The following HELZ variants were observed in gnomAD, a reference collection of about 807,000 sequenced individuals.
HELZ encodes ATP-dependent RNA helicase with zinc finger domain.
A neutral mutation model predicts 218.2 loss-of-function variants in HELZ; 23 were observed. That is an observed-to-expected ratio of 0.11 (90% CI 0.08 to 0.15). HELZ has a LOEUF of 0.15. HELZ is among the 10% of genes least tolerant of loss of function. HELZ has a pLI of 1.00. For synonymous variants in HELZ, 814 were observed against 829.4 expected, an observed-to-expected ratio of 0.98 and a Z score of 0.32; for missense variants, 1,813 against 2,353.7, an observed-to-expected ratio of 0.77 and a Z score of 4.75.
At chr17:67,101,772 A>G (rs1431058124) in intron 31 of HELZ, among the ~76,000 whole-genome samples, 1 of 152,234 alleles carries the variant, frequency 6.6e-6, no homozygotes, top group Non-Finnish European at 1.5e-5. Context: ...TTGGAAAGTG[A>G]CATCTCTTTA....
intron 24 of HELZ, among the ~76,000 whole-genome samples, chr17:67,125,343 T>TATATATATATATATATACAC (rs1555605956): frequency 1.6e-5 from 1 of 61,398 alleles, no homozygotes; most frequent in African/African-American, 6.9e-5. Context: ...TATATATATA[T>TATATATATATATATATACAC]ATACTTGTGA....
chr17:67,103,069 C>T (rs1043524642), intron 31 of HELZ, among the ~76,000 whole-genome samples: 2 of 152,076 alleles, frequency 1.3e-5, no homozygotes, highest in Non-Finnish European at 2.9e-5. Flanking sequence ...CACAGTTCCC[C>T]CTCATATCAT....
At chr17:67,219,497 T>C (rs183434944) in intron 3 of HELZ, among the ~76,000 whole-genome samples, 108 of 152,310 alleles carry the variant, frequency 7.1e-4, no homozygotes, top group Non-Finnish European at 1.0e-3. Flanking sequence ...CATGAGCTGA[T>C]TGCAAAAGGT....
chr17:67,113,009 G>A (rs2037325975), intron 28 of HELZ, among the ~76,000 whole-genome samples: 1 of 152,216 alleles, frequency 6.6e-6, no homozygotes, highest in South Asian at 2.1e-4. Context: ...AATAGTTTTA[G>A]TGAAATGTAG....
intron 28 of HELZ, 28 bp from the exon 29 acceptor site, chr17:67,109,714 A>G (rs769058485): frequency 3.3e-6 from 5 of 1,534,414 alleles, no homozygotes. Context: ...GCCTTTTTTA[A>G]CTGCAGAAGA....
chr17:67,123,619 T>C (rs1205598641), intron 25 of HELZ, among the ~76,000 whole-genome samples: 1 of 152,240 alleles, frequency 6.6e-6, no homozygotes, highest in Admixed American at 6.5e-5. Flanking sequence ...TATCTTGAAA[T>C]ATTTATGATC....
At position 67,205,006 on chromosome 17, in the gene HELZ, C is replaced by T. The variant is rs572952327; in HGVS notation, c.248-1563G>A. Among the ~76,000 whole-genome samples the T allele has an allele frequency of 3.3e-5, 5 of 152,186 alleles. No homozygotes were observed. In the South Asian group the frequency reaches 1.0e-3, roughly 32 times the overall value. ...AAAACAGAAACACGTATAAATTTGC[C>T]ATTAAAGATTAAATGAAACAATACA... On this transcript the variant is annotated intron_variant, in intron 5 of 32. Coordinates refer to ENST00000358691, the MANE Select transcript of HELZ (RefSeq NM_014877.4).
At chr17:67,120,018 T>TTTTTTTTTTTTTC (rs2037555242) in intron 27 of HELZ, 1 of 375,892 alleles carries the variant, frequency 2.7e-6, no homozygotes, top group South Asian at 2.0e-5. Context: ...TTTTTTTTTT[T>TTTTTTTTTTTTTC]TTTGAGATGG....
At position 67,100,772 on chromosome 17, in the gene HELZ, G is replaced by A. The variant is rs1375424623; in HGVS notation, c.5241+6397C>T. Reference sequence around the variant, plus strand: ...AATGAAGATGCTACAGATTTTTGAAGAGGAACATTCAAAAAATAAGAGAGA... The same window carrying A: ...AATGAAGATGCTACAGATTTTTGAAAAGGAACATTCAAAAAATAAGAGAGA... On this transcript the variant is annotated intron_variant, in intron 31 of 32. Transcript: ENST00000358691. Among the ~76,000 whole-genome samples, 3 of 152,134 alleles carry A rather than the reference G, an allele frequency of 2.0e-5. 1 individual carries two copies. The South Asian group carries it at 6.3e-4, about 32-fold the overall frequency.
At chr17:67,089,668 T>TATATATATAGAGAGAGAGAGAGAGAGAG (rs71293575) in intron 31 of HELZ, among the ~76,000 whole-genome samples, 4 of 70,632 alleles carry the variant, frequency 5.7e-5, no homozygotes, top group East Asian at 5.1e-4. Flanking sequence ...TATATATATA[T>TATATATATAGAGAGAGAGAGAGAGAGAG]AGAGAGAGAG....
At position 67,151,133 on chromosome 17, in the gene HELZ, G is replaced by A; in HGVS notation, c.2269C>T (p.Pro757Ser). The change falls in exon 18 of 33, where the codon CCC (proline) becomes TCC (serine). Residue 757 changes from proline to serine, a missense_variant. This residue lies in a region of HELZ where 714 missense variants were observed against 1,029.2 expected (regional missense o/e 0.69). Coordinates refer to ENST00000358691, the MANE Select transcript of HELZ (RefSeq NM_014877.4). ...TGTTTAAGAATATCTTCTTTCTGGG[G>A]CATCTGAAAGGTGGAATGTGCGCTT... Reference protein sequence around the residue: ...ISSAHSTFQMPQKEDILKHRV... With the variant: ...ISSAHSTFQMSQKEDILKHRV... The A allele has an allele frequency of 1.2e-6, 2 of 1,613,780 alleles. No individual in the cohort carries two copies. Among genetic ancestry groups the A allele is most frequent in the Non-Finnish European group, 1.7e-6 (2 of 1,179,706 alleles).
intron 12 of HELZ, among the ~76,000 whole-genome samples, chr17:67,187,068 G>A (rs1248488138): frequency 2.6e-5 from 4 of 152,156 alleles, no homozygotes; most frequent in African/African-American, 4.8e-5. Flanking sequence ...GAGATCACCT[G>A]CCCTGCAACA....
chr17:67,233,615 G>A (rs1189730075), intron 3 of HELZ, among the ~76,000 whole-genome samples: 1 of 152,044 alleles, frequency 6.6e-6, no homozygotes, highest in Admixed American at 6.6e-5. Context: ...TTCCTTAGCT[G>A]TTGCCCCAAT....
chr17:67,181,011 C>T (rs1204824048), intron 12 of HELZ, among the ~76,000 whole-genome samples: 5 of 151,950 alleles, frequency 3.3e-5, no homozygotes, highest in African/African-American at 1.2e-4. Context: ...CAAGATCGCG[C>T]CACTGCACTC....
intron 31 of HELZ, among the ~76,000 whole-genome samples, chr17:67,088,178 G>A (rs1476632187): frequency 1.3e-5 from 2 of 152,186 alleles, no homozygotes; most frequent in African/African-American, 2.4e-5. Context: ...AAGATTCCAC[G>A]TTCCGTCTCA....
intron 13 of HELZ, among the ~76,000 whole-genome samples, 185 bp from the exon 14 acceptor site, chr17:67,167,981 AT>A (rs35055892): frequency 0.23 from 34,835 of 149,428 alleles, 4,356 homozygotes; most frequent in African/African-American, 0.3. Flanking sequence ...ACAAAAAAAA[AT>A]TTTTTTTTTT....
chr17:67,109,730 A>G, intron 28 of HELZ, 44 bp from the exon 29 acceptor site: 1 of 1,451,562 alleles, frequency 6.9e-7, no homozygotes, highest in Non-Finnish European at 9.5e-7. Context: ...GAAGATTCAA[A>G]TTCAGTTGCT....
At chr17:67,217,902 GT>G (rs35498883) in intron 4 of HELZ, among the ~76,000 whole-genome samples, 11 of 142,474 alleles carry the variant, frequency 7.7e-5, no homozygotes, top group Admixed American at 2.1e-4. Context: ...CTATGGTGGG[GT>G]TTTTTTTTTG....
chr17:67,166,931 C>T (rs2039163313), intron 14 of HELZ, among the ~76,000 whole-genome samples: 1 of 152,244 alleles, frequency 6.6e-6, no homozygotes, highest in South Asian at 2.1e-4. Flanking sequence ...CTACTTTATT[C>T]TACCATTCCC....
Sources: allele counts gnomAD v4.1 joint callset (sites outside exome capture counted in the v4.1 genomes callset), GRCh38; gene constraint gnomAD v4.1.1; regional missense constraint gnomAD v4.1.1; transcripts MANE v1.5; gene names NCBI Gene and HGNC (gene_info 2026-07-23, HGNC 2026-07-21).